HECW1: variants seen among roughly 807,000 people sequenced by gnomAD.
The protein encoded by HECW1 is HECT, C2 and WW domain containing E3 ubiquitin protein ligase 1.
HECW1 carries 61 observed loss-of-function variants against 182.3 expected under a neutral mutation model. The observed-to-expected ratio is 0.33, with a 90% CI of 0.27 to 0.41. HECW1 has a LOEUF of 0.41. Among genes scored for constraint, HECW1 ranks in the 10% least tolerant of loss-of-function variants. The pLI, the probability that HECW1 is intolerant of heterozygous loss-of-function variation, is 1.00. For synonymous variants in HECW1, 859 were observed against 832.6 expected, an observed-to-expected ratio of 1.03 and a Z score of -0.55; for missense variants, 1,739 against 2,108.9, an observed-to-expected ratio of 0.82 and a Z score of 3.44.
intron 24 of HECW1, among the ~76,000 whole-genome samples, chr7:43,515,554 G>A (rs1336917230): frequency 6.6e-6 from 1 of 152,214 alleles, no homozygotes; most frequent in African/African-American, 2.4e-5. Context: ...GGGAAGTTAA[G>A]TATATGACAG....
chr7:43,523,936 T>A (rs2080643745), intron 24 of HECW1, among the ~76,000 whole-genome samples: 1 of 152,094 alleles, frequency 6.6e-6, no homozygotes, highest in South Asian at 2.1e-4. Context: ...CCAGTATCCA[T>A]GAGGAAATGC....
chr7:43,466,061 G>C (rs1333924238), intron 14 of HECW1, among the ~76,000 whole-genome samples: 2 of 128,250 alleles, frequency 1.6e-5, no homozygotes, highest in African/African-American at 6.1e-5. Flanking sequence ...GAGGGAGGGA[G>C]GGAAGGAAGG....
chr7:43,259,019 G>A (rs11769457), intron 3 of HECW1, among the ~76,000 whole-genome samples: 55,787 of 151,994 alleles, frequency 0.37, 11,469 homozygotes, highest in African/African-American at 0.56. Context: ...CCCCAGATAT[G>A]GGAAAAAGTC....
Position 43,526,831 on chromosome 7 carries a change from C to A in HECW1, c.4020-14332C>A, listed in dbSNP as rs79140880. Among the ~76,000 whole-genome samples the A allele has an allele frequency of 1.2e-3, 177 of 152,232 alleles. 2 individuals carry two copies. The East Asian group carries it at 0.032, about 27-fold the overall frequency. On this transcript the variant is annotated intron_variant, in intron 24 of 29. Transcript: ENST00000395891. ...CCCTGGGCAACATAGCAAGACCTGT[C>A]TCTACAAAAAATAAATTAGCCAGGC...
At chr7:43,315,974 G>T (rs1809194154) in intron 4 of HECW1, among the ~76,000 whole-genome samples, 1 of 152,026 alleles carries the variant, frequency 6.6e-6, no homozygotes, top group Non-Finnish European at 1.5e-5. Context: ...TCAGTTATGG[G>T]CTCACTTGCT....
chr7:43,268,692 T>C (rs1301665179), intron 3 of HECW1, among the ~76,000 whole-genome samples: 1 of 152,224 alleles, frequency 6.6e-6, no homozygotes, highest in Non-Finnish European at 1.5e-5. Flanking sequence ...CACTGGGCTT[T>C]TCCACTTCAT....
intron 2 of HECW1, among the ~76,000 whole-genome samples, chr7:43,173,163 C>T (rs1259927112): frequency 2.6e-5 from 4 of 152,084 alleles, no homozygotes; most frequent in Non-Finnish European, 4.4e-5. Context: ...ATAACAGATC[C>T]CAGGTTTCAG....
At position 43,342,821 on chromosome 7, in the gene HECW1, C is replaced by G. The variant is rs544212496; in HGVS notation, c.461-18065C>G. 4.6e-5 allele frequency among the ~76,000 whole-genome samples: 7 copies of G among 151,560 alleles called. No homozygotes were observed. The East Asian group carries it at 1.2e-3, about 25-fold the overall frequency. ...CAGGCAGATCATGAGGTCAGGAGATCGAGACCATCCTGGCTAACACAGGGA... is the reference window on the plus strand; with the variant it reads ...CAGGCAGATCATGAGGTCAGGAGATGGAGACCATCCTGGCTAACACAGGGA... On this transcript the variant is annotated intron_variant, in intron 5 of 29. Coordinates refer to ENST00000395891, the MANE Select transcript of HECW1 (RefSeq NM_015052.5).
intron 21 of HECW1, among the ~76,000 whole-genome samples, chr7:43,502,454 C>G (rs904227134): frequency 3.9e-5 from 6 of 152,096 alleles, no homozygotes; most frequent in African/African-American, 1.4e-4. Flanking sequence ...CCCAAGAGTT[C>G]GAGACCAGCC....
chr7:43,274,809 A>G (rs1034089820), intron 3 of HECW1, among the ~76,000 whole-genome samples: 1 of 152,252 alleles, frequency 6.6e-6, no homozygotes, highest in Non-Finnish European at 1.5e-5. Flanking sequence ...AGGACATGTA[A>G]AAACTTTAAA....
At chr7:43,459,227 G>C (rs930997520) in intron 13 of HECW1, among the ~76,000 whole-genome samples, 2 of 152,128 alleles carry the variant, frequency 1.3e-5, no homozygotes, top group African/African-American at 4.8e-5. Context: ...CTCTGTGCCT[G>C]TTCTTACCTT....
At chr7:43,150,013 TATCTC>T (rs1789128139) in intron 2 of HECW1, among the ~76,000 whole-genome samples, 1 of 152,240 alleles carries the variant, frequency 6.6e-6, no homozygotes, top group Non-Finnish European at 1.5e-5. Context: ...TGTCTAATAT[TATCTC>T]ATGATATCTT....
At chr7:43,520,452 C>T (rs1296004243) in intron 24 of HECW1, among the ~76,000 whole-genome samples, 1 of 152,126 alleles carries the variant, frequency 6.6e-6, no homozygotes, top group Non-Finnish European at 1.5e-5. Context: ...AGGCTTTGCT[C>T]TGCTGCCCAT....
rs1356499867 is a variant in HECW1 at position 43,529,900 on chromosome 7, A to G, written c.4020-11263A>G. On this transcript the variant is annotated intron_variant, in intron 24 of 29. Coordinates refer to ENST00000395891, the MANE Select transcript of HECW1 (RefSeq NM_015052.5). ...GCCCTTTCCATGAGCAGCAGAGACC[A>G]TCTAATCAACAGAGCCAGTGAACTC... is the stretch of plus-strand genomic sequence containing the variant. 2.0e-5 allele frequency among the ~76,000 whole-genome samples: 3 copies of G among 152,044 alleles called. No homozygotes were observed. In the East Asian group the frequency reaches 5.8e-4, roughly 29 times the overall value.
intron 8 of HECW1, among the ~76,000 whole-genome samples, chr7:43,425,990 A>G (rs986314553): frequency 6.6e-6 from 1 of 152,102 alleles, no homozygotes; most frequent in African/African-American, 2.4e-5. Context: ...GGATTTAGAG[A>G]TCCCCCTCAA....
intron 2 of HECW1, among the ~76,000 whole-genome samples, chr7:43,178,123 C>T (rs1792440782): frequency 6.6e-6 from 1 of 152,166 alleles, no homozygotes. Flanking sequence ...AATTCTGCTT[C>T]AGCCTCCAAA....
At chr7:43,519,160 A>G (rs2080316163) in intron 24 of HECW1, among the ~76,000 whole-genome samples, 1 of 152,216 alleles carries the variant, frequency 6.6e-6, no homozygotes, top group Non-Finnish European at 1.5e-5. Flanking sequence ...GAGGAAACTC[A>G]TACCCATAGA....
intron 4 of HECW1, among the ~76,000 whole-genome samples, chr7:43,314,908 G>A (rs760144931): frequency 1.6e-4 from 24 of 152,186 alleles, no homozygotes; most frequent in Non-Finnish European, 2.5e-4. Flanking sequence ...TTTCATGAAT[G>A]AGGAGATGTC....
intron 3 of HECW1, among the ~76,000 whole-genome samples, chr7:43,247,931 A>G (rs1264959495): frequency 5.3e-5 from 6 of 114,046 alleles, no homozygotes; most frequent in South Asian, 2.7e-4. Flanking sequence ...GAAAGAGGAA[A>G]AAAGAGAGAG....
Sources: gnomAD v4.1 joint callset for allele counts (sites outside exome capture counted in the v4.1 genomes callset) on GRCh38, gnomAD v4.1.1 for gene constraint, MANE v1.5 for transcripts, NCBI Gene and HGNC (gene_info 2026-07-23, HGNC 2026-07-21) for gene names.